TMEM17: variants seen among roughly 807,000 people sequenced by gnomAD.
The protein encoded by TMEM17 is transmembrane protein 17.
In TMEM17, 15 loss-of-function variants were observed where a neutral mutation model predicts 19.1. The observed-to-expected ratio is 0.78, with a 90% CI of 0.52 to 1.21. The LOEUF (loss-of-function observed/expected upper bound fraction) is 1.21. Among genes scored for constraint, TMEM17 ranks in the 50% most tolerant of loss-of-function variants. The probability of loss-of-function intolerance (pLI) is 0.00; values close to 1 mark genes in which losing one functional copy is unlikely to be tolerated. For synonymous variants in TMEM17, 103 were observed against 86.9 expected, an observed-to-expected ratio of 1.19 and a Z score of -1.03; for missense variants, 245 against 242.3, an observed-to-expected ratio of 1.01 and a Z score of -0.07.
At chr2:62,479,889 C>CAAAAA in the TMEM17 span, among the ~76,000 whole-genome samples, 1 of 68,886 alleles carries the variant, frequency 1.5e-5, no homozygotes, top group Non-Finnish European at 2.9e-5. Context: ...AGACCTGTCT[C>CAAAAA]AAAAAAAAAA....
the TMEM17 span, among the ~76,000 whole-genome samples, chr2:62,454,332 A>G: frequency 6.6e-6 from 1 of 152,218 alleles, no homozygotes; most frequent in Non-Finnish European, 1.5e-5. Flanking sequence ...CAGAGGCATC[A>G]GGCATGGGGT....
chr2:62,481,668 A>T, the TMEM17 span, among the ~76,000 whole-genome samples: 1 of 150,964 alleles, frequency 6.6e-6, no homozygotes, highest in Admixed American at 6.6e-5. Context: ...TATTAGTCAG[A>T]GTCTAATGAG....
the TMEM17 span, among the ~76,000 whole-genome samples, chr2:62,493,600 T>G: frequency 6.6e-6 from 1 of 152,208 alleles, no homozygotes; most frequent in African/African-American, 2.4e-5. Flanking sequence ...AAAGTACATG[T>G]TGGAGAAGGG....
At chr2:62,477,422 G>A in the TMEM17 span, among the ~76,000 whole-genome samples, 1 of 151,824 alleles carries the variant, frequency 6.6e-6, no homozygotes, top group Non-Finnish European at 1.5e-5. Flanking sequence ...ATCTCTCAGG[G>A]TTGTCTATCT....
chr2:62,475,479 C>T, the TMEM17 span, among the ~76,000 whole-genome samples: 3,404 of 152,374 alleles, frequency 0.022, 138 homozygotes, highest in African/African-American at 0.078. Context: ...GGGCTGTTTT[C>T]TAGGCTGCTG....
downstream of TMEM17, among the ~76,000 whole-genome samples, chr2:62,496,014 C>T (rs1679768028): frequency 6.6e-6 from 1 of 152,166 alleles, no homozygotes; most frequent in African/African-American, 2.4e-5. Flanking sequence ...CTTTTCCCGT[C>T]CCTTATCAGT....
chr2:62,468,201 G>T, the TMEM17 span, among the ~76,000 whole-genome samples: 2 of 152,082 alleles, frequency 1.3e-5, no homozygotes, highest in African/African-American at 4.8e-5. Context: ...CTCTACAGAG[G>T]CAGCCAGCAG....
intron 1 of TMEM17, among the ~76,000 whole-genome samples, 159 bp downstream of exon 1, chr2:62,505,871 T>C (rs923006358): frequency 1.2e-4 from 18 of 152,212 alleles, no homozygotes; most frequent in Non-Finnish European, 2.5e-4. Context: ...CTCAGCTCCC[T>C]GTCCGGCCCG....
At chr2:62,500,019 C>A (rs7582882), downstream of TMEM17, among the ~76,000 whole-genome samples, 1 of 152,066 alleles carries the variant, frequency 6.6e-6, no homozygotes, top group African/African-American at 2.4e-5. Context: ...TCAAGCCTCA[C>A]GTGAATTTAA....
chr2:62,500,374 A>G lies in TMEM17; in HGVS notation c.*835T>C, dbSNP rs1361970714. ...ATCCACCTGTTTTCTTCTTCATCTC[A>G]GTATAACAGCTAATATTAGGGTTAG... On this transcript the variant is annotated 3_prime_UTR_variant, in exon 4 of 4. Coordinates refer to ENST00000335390, the MANE Select transcript of TMEM17 (RefSeq NM_198276.3). 1.3e-5 allele frequency: 2 copies of G among 152,204 alleles called. No homozygotes were observed. The highest frequency in any genetic ancestry group is 2.9e-5 in the Non-Finnish European group (2 of 68,046). The allele number at this position is 152,204 out of a possible 1,614,324, so 9.4% of individuals were successfully genotyped here.
At chr2:62,465,435 A>T in the TMEM17 span, among the ~76,000 whole-genome samples, 3 of 152,194 alleles carry the variant, frequency 2.0e-5, no homozygotes, top group Non-Finnish European at 4.4e-5. Context: ...TATTTTTCCA[A>T]CTTTTCTGTA....
chr2:62,474,102 G>C, the TMEM17 span, among the ~76,000 whole-genome samples: 1 of 152,098 alleles, frequency 6.6e-6, no homozygotes, highest in Non-Finnish European at 1.5e-5. Context: ...CAGGCTTTGG[G>C]AGTCCTCAAA....
At chr2:62,457,586 C>G in the TMEM17 span, among the ~76,000 whole-genome samples, 1 of 148,028 alleles carries the variant, frequency 6.8e-6, no homozygotes, top group Non-Finnish European at 1.5e-5. The surrounding 1 kb of genome is among the most constrained non-coding windows in gnomAD (Gnocchi z 4.2). Flanking sequence ...CAAAGTGCAT[C>G]TGATTCGGAA....
chr2:62,494,738 T>C, the TMEM17 span, among the ~76,000 whole-genome samples: 2 of 152,202 alleles, frequency 1.3e-5, no homozygotes, highest in South Asian at 4.1e-4. Flanking sequence ...ACGCAGTGGC[T>C]CACACCTGTA....
At chr2:62,479,749 T>C in the TMEM17 span, among the ~76,000 whole-genome samples, 8 of 152,062 alleles carry the variant, frequency 5.3e-5, no homozygotes, top group African/African-American at 1.9e-4. Flanking sequence ...TAGCCATGTG[T>C]GGTGGCAAAT....
intron 1 of TMEM17, among the ~76,000 whole-genome samples, chr2:62,503,351 CT>C (rs1168025918): frequency 6.6e-6 from 1 of 152,074 alleles, no homozygotes; most frequent in African/African-American, 2.4e-5. Context: ...GCAGAAATAC[CT>C]TTCCCCTTTA....
intron 3 of TMEM17, 84 bp from the exon 4 acceptor site, chr2:62,501,571 G>A (rs1214501580): frequency 6.7e-6 from 9 of 1,337,112 alleles, no homozygotes; most frequent in African/African-American, 5.9e-5. Context: ...TATCACTACC[G>A]TGAACCTACA....
the TMEM17 span, among the ~76,000 whole-genome samples, chr2:62,463,526 G>A: frequency 6.6e-6 from 1 of 152,168 alleles, no homozygotes; most frequent in East Asian, 1.9e-4. Context: ...GTGCTTACCA[G>A]TTATGAAAAG....
downstream of TMEM17, among the ~76,000 whole-genome samples, chr2:62,496,141 G>A (rs142023757): frequency 7.6e-4 from 115 of 151,746 alleles, no homozygotes; most frequent in African/African-American, 2.7e-3. Flanking sequence ...GAAATACAAA[G>A]ACAAATGGGT....
Sources: gnomAD v4.1 joint callset for allele counts (sites outside exome capture counted in the v4.1 genomes callset) on GRCh38, gnomAD v4.1.1 for gene constraint, Gnocchi (gnomAD v3.1) non-coding constraint, MANE v1.5 for transcripts, NCBI Gene and HGNC (gene_info 2026-07-23, HGNC 2026-07-21) for gene names.